TULP4: variants seen among roughly 807,000 people sequenced by gnomAD.
The protein encoded by TULP4 is tubby-related protein 4.
TULP4 carries 16 observed loss-of-function variants against 129.0 expected under a neutral mutation model. That is an observed-to-expected ratio of 0.12 (90% CI 0.08 to 0.19). The LOEUF (loss-of-function observed/expected upper bound fraction) is 0.19, where lower values mean the gene tolerates loss of function less well. Among genes scored for constraint, TULP4 ranks in the 10% least tolerant of loss-of-function variants. The pLI, the probability that TULP4 is intolerant of heterozygous loss-of-function variation, is 1.00. For missense variants in TULP4, 1,842 were observed against 2,059.1 expected, an observed-to-expected ratio of 0.89 and a Z score of 2.04; for synonymous variants, 998 against 854.0, an observed-to-expected ratio of 1.17 and a Z score of -2.94.
At chr6:158,457,535 TG>T (rs1416413877) in intron 5 of TULP4, among the ~76,000 whole-genome samples, 1 of 152,200 alleles carries the variant, frequency 6.6e-6, no homozygotes, top group East Asian at 1.9e-4. Context: ...TGATTCACTT[TG>T]CTTGGGGTTT....
intron 1 of TULP4, among the ~76,000 whole-genome samples, chr6:158,267,539 C>T (rs1218697226): frequency 6.6e-6 from 1 of 152,118 alleles, no homozygotes; most frequent in Non-Finnish European, 1.5e-5. Flanking sequence ...GATTTCTGAC[C>T]CTCCCACTTC....
chr6:158,404,941 C>T (rs1372094855), intron 1 of TULP4, among the ~76,000 whole-genome samples: 1 of 151,944 alleles, frequency 6.6e-6, no homozygotes, highest in Admixed American at 6.6e-5. Flanking sequence ...GTAAATTTTT[C>T]TTTAAACTGT....
At chr6:158,338,109 T>C in intron 1 of TULP4, among the ~76,000 whole-genome samples, 1 of 152,182 alleles carries the variant, frequency 6.6e-6, no homozygotes, top group South Asian at 2.1e-4. Context: ...GAGCACCTGA[T>C]GGAAGCATTT....
chr6:158,346,777 C>T (rs1780323419), intron 1 of TULP4, among the ~76,000 whole-genome samples: 1 of 150,668 alleles, frequency 6.6e-6, no homozygotes, highest in Admixed American at 6.7e-5. Context: ...TTCCTTTCTT[C>T]CTTCTTGAAG....
At chr6:158,366,183 A>G (rs533653860) in intron 1 of TULP4, among the ~76,000 whole-genome samples, 66 of 152,162 alleles carry the variant, frequency 4.3e-4, no homozygotes, top group African/African-American at 1.0e-3. Context: ...GATTACAGGC[A>G]TGGGCCACCG....
intron 1 of TULP4, among the ~76,000 whole-genome samples, chr6:158,343,110 T>C (rs1780220812): frequency 6.6e-6 from 1 of 150,490 alleles, no homozygotes; most frequent in African/African-American, 2.4e-5. Flanking sequence ...CCAGGAGGAG[T>C]AGGAGTTGTG....
intron 3 of TULP4, among the ~76,000 whole-genome samples, chr6:158,440,544 T>C (rs1267379897): frequency 6.6e-6 from 1 of 152,170 alleles, no homozygotes; most frequent in Non-Finnish European, 1.5e-5. Flanking sequence ...TCCCATCAGA[T>C]CTGCCCATGA....
intron 1 of TULP4, among the ~76,000 whole-genome samples, chr6:158,324,495 T>G (rs1310663398): frequency 6.6e-6 from 1 of 152,152 alleles, no homozygotes; most frequent in African/African-American, 2.4e-5. Context: ...CCGTAAACAT[T>G]TGAGAGCTCG....
At chr6:158,355,323 T>A (rs544741486) in intron 1 of TULP4, among the ~76,000 whole-genome samples, 113 of 152,266 alleles carry the variant, frequency 7.4e-4, no homozygotes, top group Non-Finnish European at 1.3e-3. Flanking sequence ...TAGCCTTAAG[T>A]GATCCTCCTG....
intron 1 of TULP4, among the ~76,000 whole-genome samples, chr6:158,334,734 C>T (rs1779992979): frequency 6.6e-6 from 1 of 152,202 alleles, no homozygotes; most frequent in Non-Finnish European, 1.5e-5. Context: ...TGAAACTTTA[C>T]AGCCAATGTC....
chr6:158,443,128 C>T (rs556014591), intron 3 of TULP4, among the ~76,000 whole-genome samples: 52 of 152,268 alleles, frequency 3.4e-4, no homozygotes, highest in African/African-American at 8.7e-4. Context: ...GGACTACAGG[C>T]GTGCACCACC....
intron 6 of TULP4, among the ~76,000 whole-genome samples, chr6:158,476,546 C>T (rs1562582619): frequency 6.6e-6 from 1 of 152,200 alleles, no homozygotes; most frequent in South Asian, 2.1e-4. Context: ...CATCCTCCCT[C>T]GCCTTCGAGA....
chr6:158,446,776 C>T (rs1393100981), intron 3 of TULP4, among the ~76,000 whole-genome samples: 2 of 152,182 alleles, frequency 1.3e-5, no homozygotes, highest in Admixed American at 1.3e-4. Flanking sequence ...TGACTCCTGG[C>T]TTGCGTTCTC....
At chr6:158,483,936 T>TTC (rs57842834) in intron 8 of TULP4, among the ~76,000 whole-genome samples, 1 of 151,384 alleles carries the variant, frequency 6.6e-6, no homozygotes, top group Non-Finnish European at 1.5e-5. Context: ...TTTTTTTTTT[T>TTC]CAGACAGGGT....
At chr6:158,372,789 T>G (rs1408750455) in intron 1 of TULP4, among the ~76,000 whole-genome samples, 1 of 152,236 alleles carries the variant, frequency 6.6e-6, no homozygotes, top group African/African-American at 2.4e-5. Context: ...ATTTCTAAAG[T>G]GTCATCTTTT....
chr6:158,238,555 C>T (rs1777771453), intron 1 of TULP4, among the ~76,000 whole-genome samples: 1 of 126,238 alleles, frequency 7.9e-6, no homozygotes, highest in Non-Finnish European at 1.6e-5. Flanking sequence ...TCTGGTTTTC[C>T]TAGGCAGAGG....
At chr6:158,382,464 C>G (rs978493278) in intron 1 of TULP4, among the ~76,000 whole-genome samples, 16 of 152,272 alleles carry the variant, frequency 1.1e-4, no homozygotes, top group East Asian at 1.9e-4. Context: ...GAGCTGTGTC[C>G]TCTTTGCTTT....
At chr6:158,472,045 GTT>G (rs1779695408) in intron 6 of TULP4, among the ~76,000 whole-genome samples, 1 of 152,290 alleles carries the variant, frequency 6.6e-6, no homozygotes, top group South Asian at 2.1e-4. Flanking sequence ...CCTTCCCGCC[GTT>G]TTAGCTCAGG....
intron 3 of TULP4, among the ~76,000 whole-genome samples, chr6:158,438,904 G>C (rs1363563847): frequency 6.6e-6 from 1 of 152,170 alleles, no homozygotes; most frequent in Non-Finnish European, 1.5e-5. Context: ...GGGCACAGTG[G>C]CTCATGCCTG....
Sources: allele counts gnomAD v4.1 joint callset (sites outside exome capture counted in the v4.1 genomes callset), GRCh38; gene constraint gnomAD v4.1.1; transcripts MANE v1.5; gene names NCBI Gene and HGNC (gene_info 2026-07-23, HGNC 2026-07-21).